The following ASAP1 variants were observed in gnomAD, a reference collection of about 807,000 sequenced individuals.
ASAP1 encodes the protein arf-GAP with SH3 domain, ANK repeat and PH domain-containing protein 1.
ASAP1 carries 43 observed loss-of-function variants against 145.2 expected under a neutral mutation model. That is an observed-to-expected ratio of 0.30 (90% confidence interval 0.23 to 0.38). The LOEUF (loss-of-function observed/expected upper bound fraction) is 0.38. ASAP1 is among the 10% of genes least tolerant of loss of function. ASAP1 has a pLI of 1.00. For synonymous variants in ASAP1, 546 were observed against 515.5 expected (o/e 1.06, Z -0.80); for missense variants, 1,018 against 1,355.3 (o/e 0.75, Z 3.91).
At chr8:130,271,820 T>C (rs1452803003) in intron 3 of ASAP1, among the ~76,000 whole-genome samples, 2 of 152,192 alleles carry the variant, frequency 1.3e-5, no homozygotes, top group Non-Finnish European at 2.9e-5. Context: ...TATCATTCTA[T>C]TCTCTAGTAT....
chr8:130,417,801 T>C (rs564705114), intron 1 of ASAP1, among the ~76,000 whole-genome samples: 1 of 152,144 alleles, frequency 6.6e-6, no homozygotes, highest in Non-Finnish European at 1.5e-5. Flanking sequence ...AGGCAGGATC[T>C]CACCAAAGGG....
intron 3 of ASAP1, among the ~76,000 whole-genome samples, chr8:130,353,323 A>C (rs934054007): frequency 1.3e-5 from 2 of 152,220 alleles, no homozygotes; most frequent in South Asian, 4.1e-4. Flanking sequence ...TCCCACATTT[A>C]AATCTGAAAA....
At chr8:130,147,785 CATT>C (rs1265738746) in intron 13 of ASAP1, among the ~76,000 whole-genome samples, 1 of 152,210 alleles carries the variant, frequency 6.6e-6, no homozygotes, top group Non-Finnish European at 1.5e-5. Context: ...GACACACACA[CATT>C]ATCTACCTAA....
intron 5 of ASAP1, among the ~76,000 whole-genome samples, chr8:130,200,281 T>C (rs1440845747): frequency 2.0e-5 from 3 of 152,252 alleles, no homozygotes; most frequent in East Asian, 1.9e-4. Flanking sequence ...AAATAAATTA[T>C]AGTGCAAATA....
intron 2 of ASAP1, among the ~76,000 whole-genome samples, chr8:130,367,509 T>G (rs1161182953): frequency 6.6e-6 from 1 of 152,184 alleles, no homozygotes; most frequent in Non-Finnish European, 1.5e-5. Context: ...TATTTGTGAC[T>G]TTTGCACCAA....
intron 5 of ASAP1, among the ~76,000 whole-genome samples, chr8:130,193,822 T>C (rs1265853063): frequency 6.6e-6 from 1 of 152,234 alleles, no homozygotes; most frequent in Non-Finnish European, 1.5e-5. Context: ...CCTCAAATCA[T>C]GTACTGACCA....
rs765915831 is a variant in ASAP1 at position 130,136,936 on chromosome 8, A to C, written c.1168+15T>G. The C allele has an allele frequency of 6.2e-6, 10 of 1,610,614 alleles. No homozygotes were observed. Among genetic ancestry groups the C allele is most frequent in the Non-Finnish European group, 7.6e-6 (9 of 1,176,896 alleles). On this transcript the variant is annotated intron_variant, in intron 14 of 29. Coordinates refer to ENST00000518721, the MANE Select transcript of ASAP1 (RefSeq NM_018482.4). ...AAGCCACAATAACCAACTCAGAGAG[A>C]GAAAAAGGACTCACGTGATATCAGG...
At chr8:130,356,791 G>A (rs186024554) in intron 3 of ASAP1, among the ~76,000 whole-genome samples, 1 of 152,308 alleles carries the variant, frequency 6.6e-6, no homozygotes, top group East Asian at 1.9e-4. Context: ...AGTTCTACGT[G>A]TGTGGAAACA....
At chr8:130,432,220 C>T (rs932905315) in intron 1 of ASAP1, among the ~76,000 whole-genome samples, 4 of 151,674 alleles carry the variant, frequency 2.6e-5, no homozygotes, top group Non-Finnish European at 4.4e-5. Flanking sequence ...AAGAGGACGA[C>T]AAATGTTACG....
intron 3 of ASAP1, among the ~76,000 whole-genome samples, chr8:130,263,160 C>G (rs1820043020): frequency 6.6e-6 from 1 of 152,074 alleles, no homozygotes. Flanking sequence ...TCAAAATGCC[C>G]AAATTCAGAG....
intron 3 of ASAP1, among the ~76,000 whole-genome samples, chr8:130,301,419 T>A (rs572648065): frequency 6.0e-4 from 91 of 152,342 alleles, no homozygotes; most frequent in African/African-American, 2.0e-3. Flanking sequence ...GTAAATTGTG[T>A]TCTAGAATGC....
At chr8:130,132,519 C>G (rs752933615) in intron 15 of ASAP1, among the ~76,000 whole-genome samples, 2 of 152,190 alleles carry the variant, frequency 1.3e-5, no homozygotes, top group Non-Finnish European at 2.9e-5. Flanking sequence ...CTCAGCCTTA[C>G]CTTCCTCTTG....
intron 1 of ASAP1, among the ~76,000 whole-genome samples, chr8:130,419,987 T>C (rs1459439352): frequency 6.6e-6 from 1 of 151,488 alleles, no homozygotes; most frequent in Non-Finnish European, 1.5e-5. Flanking sequence ...ATGGGGGTCT[T>C]GCTATGTTTA....
At chr8:130,434,615 G>A (rs1830246971) in intron 1 of ASAP1, among the ~76,000 whole-genome samples, 1 of 152,074 alleles carries the variant, frequency 6.6e-6, no homozygotes, top group African/African-American at 2.4e-5. Context: ...CACCCGCCAA[G>A]TCACCTTAGG....
At chr8:130,089,784 A>G (rs1033548601) in intron 25 of ASAP1, among the ~76,000 whole-genome samples, 1 of 152,252 alleles carries the variant, frequency 6.6e-6, no homozygotes, top group African/African-American at 2.4e-5. Flanking sequence ...TGTAGACAGT[A>G]TATCTCACAT....
chr8:130,125,808 G>T, intron 17 of ASAP1, 148 bp downstream of exon 17: 1 of 717,916 alleles, frequency 1.4e-6, no homozygotes, highest in Non-Finnish European at 2.1e-6. Flanking sequence ...TACCACAAAA[G>T]TTACATTTTA....
At chr8:130,144,566 T>C (rs2097622546) in intron 13 of ASAP1, among the ~76,000 whole-genome samples, 1 of 152,344 alleles carries the variant, frequency 6.6e-6, no homozygotes, top group South Asian at 2.1e-4. Flanking sequence ...AATATAGCTT[T>C]ACTGTTTTGC....
intron 3 of ASAP1, among the ~76,000 whole-genome samples, chr8:130,252,404 T>G (rs1375515893): frequency 6.6e-6 from 1 of 152,148 alleles, no homozygotes; most frequent in African/African-American, 2.4e-5. Context: ...AAAAGATTGA[T>G]TCAGTACTTA....
chr8:130,107,793 C>G (rs2097540051), intron 24 of ASAP1, among the ~76,000 whole-genome samples: 2 of 152,176 alleles, frequency 1.3e-5, no homozygotes, highest in Non-Finnish European at 2.9e-5. Flanking sequence ...AGGTGATCTG[C>G]CTGCCTTGGC....
Sources: allele counts gnomAD v4.1 joint callset (sites outside exome capture counted in the v4.1 genomes callset), GRCh38; gene constraint gnomAD v4.1.1; transcripts MANE v1.5; gene names NCBI Gene and HGNC (gene_info 2026-07-23, HGNC 2026-07-21).